SCAND1: variants seen among roughly 807,000 people sequenced by gnomAD.
The protein encoded by SCAND1 is SCAN domain containing 1.
A neutral mutation model predicts 3.4 loss-of-function variants in SCAND1; 3 were observed. That is an observed-to-expected ratio of 0.87 (90% CI 0.40 to 2.25). The LOEUF is 2.25. SCAND1 is among the 30% of genes most tolerant of loss of function. The pLI, the probability that SCAND1 is intolerant of heterozygous loss-of-function variation, is 0.05. For synonymous variants in SCAND1, 152 were observed against 120.5 expected, an observed-to-expected ratio of 1.26 and a Z score of -1.72; for missense variants, 303 against 258.8, an observed-to-expected ratio of 1.17 and a Z score of -1.17.
upstream of SCAND1, chr20:35,957,806 G>C (rs1481939239): frequency 2.0e-4 from 31 of 152,162 alleles, no homozygotes; most frequent in Admixed American, 2.0e-3. Context: ...GAAATCTTTT[G>C]ACTTTTAGTC....
At position 35,953,742 on chromosome 20, in the gene SCAND1, C is replaced by A; in HGVS notation, c.*3G>T. 1.4e-6 allele frequency: 2 copies of A among 1,430,418 alleles called. No homozygotes were observed. The highest frequency in any genetic ancestry group is 1.8e-6 in the Non-Finnish European group (2 of 1,096,482). 88.6% of individuals were successfully genotyped at this position (1,430,418 alleles called of 1,614,324 possible). On this transcript the variant is annotated 3_prime_UTR_variant, in exon 2 of 2. Transcript: ENST00000305978. ...CGGCCCTGGCCGCCCGCAGCTCCAC[C>A]GCTCAGCCAGTGATGCGCACATCCG...
chr20:35,954,326 G>C lies in SCAND1; in HGVS notation c.-42C>G. The C allele has an allele frequency of 6.2e-7, 1 of 1,612,284 alleles. No homozygotes were observed. On this transcript the variant is annotated 5_prime_UTR_variant, in exon 2 of 2. Coordinates refer to ENST00000305978, the MANE Select transcript of SCAND1 (RefSeq NM_033630.3). Reference sequence around the variant, plus strand: ...GTCACTCTTTGTCCGGTAGCTGTGTGCTCAGCACTGCGTCTGCGCGGGGGT... The same window carrying C: ...GTCACTCTTTGTCCGGTAGCTGTGTCCTCAGCACTGCGTCTGCGCGGGGGT...
At chr20:35,955,774 G>C (rs1266625280), upstream of SCAND1, among the ~76,000 whole-genome samples, 2 of 152,108 alleles carry the variant, frequency 1.3e-5, no homozygotes, top group Non-Finnish European at 2.9e-5. Context: ...TTTTGTTTTT[G>C]TTTTTGTTTT....
chr20:35,954,919 G>T (rs966429052), upstream of SCAND1: 1 of 247,770 alleles, frequency 4.0e-6, no homozygotes, highest in Non-Finnish European at 8.8e-6. Context: ...CATTCTCTCG[G>T]GAGGGGCCCA....
intron 1 of SCAND1, 45 bp from the exon 2 acceptor site, chr20:35,954,384 G>T (rs2147153221): frequency 6.4e-7 from 1 of 1,569,134 alleles, no homozygotes; most frequent in East Asian, 2.4e-5. Flanking sequence ...CGGTTAAAGG[G>T]CAGAGCTCGC....
Position 35,953,774 on chromosome 20 carries a change from G to A in SCAND1, c.511C>T (p.Arg171Cys), listed in dbSNP as rs2147151905. 6.7e-7 allele frequency: 1 copy of A among 1,487,626 alleles called. No individual in the cohort carries two copies. 92.2% of individuals were successfully genotyped at this position (1,487,626 alleles called of 1,614,324 possible). Residue 171 changes from arginine (R) to cysteine (C), a missense_variant, in exon 2 of 2, where the codon CGC becomes TGC. Transcript: ENST00000305978. ...PEAARARRIR[R>C]RTDVRITG is the part of the protein sequence containing the mutation. ...CCAGTGATGCGCACATCCGTGCGGC[G>A]GCGGATCCGCCGGGCCCGAGCCGCC... is the stretch of plus-strand genomic sequence containing the variant.
upstream of SCAND1, among the ~76,000 whole-genome samples, chr20:35,958,438 AT>A (rs1355746941): frequency 6.6e-6 from 1 of 152,250 alleles, no homozygotes; most frequent in Non-Finnish European, 1.5e-5. Context: ...TCTCAAAAAA[AT>A]AAATAAGTTT....
chr20:35,954,497 C>G lies in SCAND1; in HGVS notation c.-105G>C. 1 of 1,541,408 alleles carries G rather than the reference C, an allele frequency of 6.5e-7. No individual in the cohort carries two copies. The highest frequency in any genetic ancestry group is 1.2e-5 in the South Asian group (1 of 83,164). ...AGCCGGAAGCGAAAGTCTCTGGCTTCTCTGCGTCCAGGTCGGCGCGCGAGC... is the reference window on the plus strand; with the variant it reads ...AGCCGGAAGCGAAAGTCTCTGGCTTGTCTGCGTCCAGGTCGGCGCGCGAGC... On this transcript the variant is annotated 5_prime_UTR_variant, in exon 1 of 2. Coordinates refer to ENST00000305978, the MANE Select transcript of SCAND1 (RefSeq NM_033630.3).
rs1443624129 is a variant in SCAND1, at chr20:35,954,214, C to T, written c.71G>A (p.Gly24Glu). The T allele has an allele frequency of 3.1e-6, 5 of 1,612,736 alleles. 1 individual carries two copies. In the South Asian group the frequency reaches 5.5e-5, roughly 18 times the overall value. ...PAAVPPEKLE[G>E]AGSSSAPERN... is the part of the protein sequence containing the mutation. ...CTCAGGGGCTGAGCTCGAACCGGCTCCTTCCAGTTTCTCCGGTGGCACCGC... is the reference window on the plus strand; with the variant it reads ...CTCAGGGGCTGAGCTCGAACCGGCTTCTTCCAGTTTCTCCGGTGGCACCGC... The change falls in exon 2 of 2, where the codon GGA becomes GAA. Residue 24 changes from glycine to glutamate, a missense_variant. Coordinates refer to ENST00000305978, the MANE Select transcript of SCAND1 (RefSeq NM_033630.3).
upstream of SCAND1, chr20:35,954,644 A>C: frequency 2.3e-6 from 3 of 1,283,118 alleles, no homozygotes; most frequent in Non-Finnish European, 1.0e-6. Context: ...CTCCTTCCGA[A>C]TGGTGGCGCC....
rs751654087 is a variant in SCAND1, at chr20:35,953,729, C to T, written c.*16G>A. Reference sequence around the variant, plus strand: ...CGCACAGAGCGCCCGGCCCTGGCCGCCCGCAGCTCCACCGCTCAGCCAGTG... The same window carrying T: ...CGCACAGAGCGCCCGGCCCTGGCCGTCCGCAGCTCCACCGCTCAGCCAGTG... On this transcript the variant is annotated 3_prime_UTR_variant, in exon 2 of 2. Coordinates refer to ENST00000305978, the MANE Select transcript of SCAND1 (RefSeq NM_033630.3). The T allele has an allele frequency of 4.9e-5, 69 of 1,411,592 alleles. 1 individual carries two copies. The highest frequency in any genetic ancestry group is 4.5e-4 in the Middle Eastern group (2 of 4,476). The allele number at this position is 1,411,592 out of a possible 1,614,324, so 87.4% of individuals were successfully genotyped here.
At chr20:35,956,459 G>T (rs774087701), upstream of SCAND1, among the ~76,000 whole-genome samples, 3 of 152,210 alleles carry the variant, frequency 2.0e-5, no homozygotes, top group Non-Finnish European at 4.4e-5. Flanking sequence ...AAGATACTCT[G>T]TCCCATTTGG....
At chr20:35,956,674 C>A (rs1368157162), upstream of SCAND1, among the ~76,000 whole-genome samples, 1 of 152,110 alleles carries the variant, frequency 6.6e-6, no homozygotes, top group East Asian at 1.9e-4. Flanking sequence ...GGTTTGCTGC[C>A]CAGAGTGACC....
At position 35,953,717 on chromosome 20, in the gene SCAND1, C is replaced by A. The variant is rs1216506843; in HGVS notation, c.*28G>T. The A allele has an allele frequency of 1.4e-6, 2 of 1,391,552 alleles. No individual in the cohort carries two copies. The highest frequency in any genetic ancestry group is 9.3e-7 in the Non-Finnish European group (1 of 1,071,422). The allele number at this position is 1,391,552 out of a possible 1,614,324, so 86.2% of individuals were successfully genotyped here. ...ATGGCCCCAGTCCGCACAGAGCGCC[C>A]GGCCCTGGCCGCCCGCAGCTCCACC... On this transcript the variant is annotated 3_prime_UTR_variant, in exon 2 of 2. Transcript: ENST00000305978.
chr20:35,957,452 G>A (rs1412935489), upstream of SCAND1, among the ~76,000 whole-genome samples: 3 of 152,112 alleles, frequency 2.0e-5, no homozygotes, highest in African/African-American at 7.2e-5. Flanking sequence ...GCTGGGCTCG[G>A]TGGCTCATGC....
At chr20:35,954,549 G>A (rs779210895), upstream of SCAND1, 831 of 1,499,892 alleles carry the variant, frequency 5.5e-4, 1 homozygote, top group Non-Finnish European at 7.1e-4. Context: ...CGGGCTCCCG[G>A]AAGCGGCGCC....
upstream of SCAND1, chr20:35,954,615 G>T (rs970282870): frequency 1.5e-6 from 2 of 1,356,540 alleles, no homozygotes; most frequent in African/African-American, 1.5e-5. Flanking sequence ...GCGGGAGGGC[G>T]AGCTGCGCGT....
chr20:35,954,252 A>G lies in SCAND1; in HGVS notation c.33T>C (p.Thr11=), dbSNP rs955575094. The G allele has an allele frequency of 3.1e-6, 5 of 1,612,950 alleles. No individual in the cohort carries two copies. The highest frequency in any genetic ancestry group is 2.7e-5 in the African/African-American group (2 of 74,900). The change falls in exon 2 of 2, where the codon ACT becomes ACC. Residue 11 remains threonine (T), a synonymous_variant. Coordinates refer to ENST00000305978, the MANE Select transcript of SCAND1 (RefSeq NM_033630.3). MAATEPILAA[T]GSPAAVPPEK... is the part of the protein sequence containing the mutation. ...CCGGTGGCACCGCCGCGGGACTCCC[A>G]GTGGCCGCCAAGATCGGCTCCGTAG... is the stretch of plus-strand genomic sequence containing the variant.
At chr20:35,955,483 G>C (rs1467595498), upstream of SCAND1, 1 of 152,130 alleles carries the variant, frequency 6.6e-6, no homozygotes, top group Non-Finnish European at 1.5e-5. Flanking sequence ...AGGCTACCTT[G>C]GTGGAATCCC....
Sources: allele counts gnomAD v4.1 joint callset (sites outside exome capture counted in the v4.1 genomes callset), GRCh38; gene constraint gnomAD v4.1.1; transcripts MANE v1.5; gene names NCBI Gene and HGNC (gene_info 2026-07-23, HGNC 2026-07-21).